SRBD1: variants seen among roughly 807,000 people sequenced by gnomAD.
SRBD1 encodes S1 RNA binding domain 1.
In SRBD1, 88 loss-of-function variants were observed where a neutral mutation model predicts 115.3. The ratio of observed to expected loss-of-function variants is 0.76; its 90% CI spans 0.64 to 0.91. The LOEUF (loss-of-function observed/expected upper bound fraction) is 0.91, where lower values mean the gene tolerates loss of function less well. Ranked by LOEUF, SRBD1 falls within the 40% of genes least tolerant of loss-of-function variation. The pLI is 0.00. For missense variants in SRBD1, 1,385 were observed against 1,177.4 expected (o/e 1.18, Z -2.58); for synonymous variants, 509 against 407.7 (o/e 1.25, Z -2.99).
At chr2:45,574,843 A>G (rs1673128618) in intron 7 of SRBD1, 120 bp from the exon 8 acceptor site, 2 of 814,618 alleles carry the variant, frequency 2.5e-6, no homozygotes, top group Admixed American at 2.9e-5. Context: ...TGACAGTCTT[A>G]AGACAGAAAG....
At chr2:45,423,499 C>T (rs933824844) in intron 16 of SRBD1, among the ~76,000 whole-genome samples, 2 of 152,044 alleles carry the variant, frequency 1.3e-5, no homozygotes, top group Non-Finnish European at 2.9e-5. Flanking sequence ...ATTGCCAAAA[C>T]TGACTCAAGA....
intron 16 of SRBD1, among the ~76,000 whole-genome samples, chr2:45,470,455 C>T (rs1402063825): frequency 6.6e-6 from 1 of 152,174 alleles, no homozygotes; most frequent in Non-Finnish European, 1.5e-5. Flanking sequence ...CATTCTCTAT[C>T]ATCACCAAAT....
At chr2:45,590,084 C>T (rs1001178242) in intron 4 of SRBD1, among the ~76,000 whole-genome samples, 1 of 152,204 alleles carries the variant, frequency 6.6e-6, no homozygotes. Flanking sequence ...CATCAAAAGC[C>T]TCTGATGAGA....
intron 16 of SRBD1, among the ~76,000 whole-genome samples, chr2:45,429,961 A>G (rs1668281258): frequency 6.6e-6 from 1 of 152,212 alleles, no homozygotes. Context: ...CACAAAATCA[A>G]TGTGCAAAAA....
intron 16 of SRBD1, among the ~76,000 whole-genome samples, chr2:45,437,443 A>G (rs1668532180): frequency 6.6e-6 from 1 of 152,212 alleles, no homozygotes; most frequent in African/African-American, 2.4e-5. Flanking sequence ...ATCTTTGACA[A>G]AAGAGCAAAG....
chr2:45,585,357 A>G (rs1309744005), intron 5 of SRBD1, among the ~76,000 whole-genome samples: 1 of 152,192 alleles, frequency 6.6e-6, no homozygotes, highest in African/African-American at 2.4e-5. Flanking sequence ...ATGAAAGAAG[A>G]TGACAGTCAA....
chr2:45,599,867 T>C (rs1428826502), intron 3 of SRBD1, 32 bp from the exon 4 acceptor site: 1 of 1,564,590 alleles, frequency 6.4e-7, no homozygotes, highest in Non-Finnish European at 8.6e-7. Context: ...ATATGAGAAT[T>C]AGAAGATAAA....
chr2:45,448,384 C>A (rs920425597), intron 16 of SRBD1, among the ~76,000 whole-genome samples: 17 of 152,086 alleles, frequency 1.1e-4, no homozygotes, highest in Non-Finnish European at 2.1e-4. Flanking sequence ...ATCACCATGA[C>A]CATTACCATA....
rs77048345 is a variant in SRBD1, at chr2:45,459,249, T to G, written c.2049+17744A>C. On this transcript the variant is annotated intron_variant, in intron 16 of 20. Transcript: ENST00000263736. Reference sequence around the variant, plus strand: ...GGTAATAACTAACAGAAGTTTAAAGTGTACTTTCCAATTCAACTTTAAATG... The same window carrying G: ...GGTAATAACTAACAGAAGTTTAAAGGGTACTTTCCAATTCAACTTTAAATG... Among the ~76,000 whole-genome samples, 1,054 of 152,272 alleles carry G rather than the reference T, an allele frequency of 6.9e-3. 15 individuals carry two copies. The highest frequency in any genetic ancestry group is 0.024 in the African/African-American group (1,004 of 41,550).
intron 19 of SRBD1, among the ~76,000 whole-genome samples, chr2:45,397,456 AGAG>A: frequency 6.6e-6 from 1 of 152,312 alleles, no homozygotes; most frequent in South Asian, 2.1e-4. Context: ...TGCTATCTAC[AGAG>A]GAGCTGAATT....
intron 9 of SRBD1, among the ~76,000 whole-genome samples, chr2:45,563,013 A>T (rs1672721863): frequency 6.6e-6 from 1 of 152,350 alleles, no homozygotes. Flanking sequence ...ATGATCTAAA[A>T]ATCTCATTTC....
At chr2:45,392,652 T>C (rs1206334785) in intron 20 of SRBD1, among the ~76,000 whole-genome samples, 3 of 152,138 alleles carry the variant, frequency 2.0e-5, no homozygotes, top group Admixed American at 6.5e-5. Flanking sequence ...AAAAGGACCA[T>C]AAAAAAATGT....
chr2:45,414,850 T>TGTGTATATAGTATGTACACACACATATA (rs1558563723), intron 18 of SRBD1, among the ~76,000 whole-genome samples: 3 of 144,764 alleles, frequency 2.1e-5, no homozygotes, highest in South Asian at 2.1e-4. Flanking sequence ...ACACATATAG[T>TGTGTATATAGTATGTACACACACATATA]GTGTATATAG....
chr2:45,563,775 C>T (rs932742629), intron 9 of SRBD1, among the ~76,000 whole-genome samples: 1 of 151,926 alleles, frequency 6.6e-6, no homozygotes, highest in African/African-American at 2.4e-5. Flanking sequence ...CTGAACACAC[C>T]TATAAAAAGT....
chr2:45,402,419 CA>C (rs894259620), intron 19 of SRBD1, among the ~76,000 whole-genome samples: 1 of 152,100 alleles, frequency 6.6e-6, no homozygotes, highest in African/African-American at 2.4e-5. Context: ...TTGTAAGGGT[CA>C]CAAATAAGCA....
chr2:45,588,841 G>A (rs1325270856), intron 4 of SRBD1, among the ~76,000 whole-genome samples: 1 of 152,206 alleles, frequency 6.6e-6, no homozygotes, highest in Admixed American at 6.5e-5. Context: ...GATTGTTTCA[G>A]TGAACTGACC....
intron 19 of SRBD1, among the ~76,000 whole-genome samples, chr2:45,400,941 A>G (rs1277325411): frequency 2.6e-5 from 4 of 152,100 alleles, no homozygotes; most frequent in Non-Finnish European, 5.9e-5. Flanking sequence ...TGATCTTCCT[A>G]GTTTCCTCTA....
intron 7 of SRBD1, among the ~76,000 whole-genome samples, chr2:45,579,385 T>G (rs1297270503): frequency 2.0e-5 from 3 of 152,160 alleles, no homozygotes; most frequent in African/African-American, 4.8e-5. Flanking sequence ...TTATGACTTT[T>G]GCAAGTAAAC....
chr2:45,485,486 C>T (rs2103845433), intron 15 of SRBD1, among the ~76,000 whole-genome samples: 1 of 152,240 alleles, frequency 6.6e-6, no homozygotes, highest in Admixed American at 6.5e-5. Context: ...ATAAAACATA[C>T]ACTCAATCTT....
Sources: gnomAD v4.1 joint callset for allele counts (sites outside exome capture counted in the v4.1 genomes callset) on GRCh38, gnomAD v4.1.1 for gene constraint, MANE v1.5 for transcripts, NCBI Gene and HGNC (gene_info 2026-07-23, HGNC 2026-07-21) for gene names.